RABGAP1L: variants seen among roughly 807,000 people sequenced by gnomAD.
RABGAP1L encodes the protein RAB GTPase activating protein 1 like.
RABGAP1L carries 63 observed loss-of-function variants against 137.7 expected under a neutral mutation model. That is an observed-to-expected ratio of 0.46 (90% CI 0.37 to 0.56). The LOEUF (loss-of-function observed/expected upper bound fraction) is 0.56. RABGAP1L is among the 20% of genes least tolerant of loss of function. RABGAP1L has a pLI of 0.00. For synonymous variants in RABGAP1L, 431 were observed against 433.7 expected, an observed-to-expected ratio of 0.99 and a Z score of 0.08; for missense variants, 1,095 against 1,244.0, an observed-to-expected ratio of 0.88 and a Z score of 1.80.
At chr1:174,777,344 G>A (rs112263586) in intron 18 of RABGAP1L, among the ~76,000 whole-genome samples, 7 of 152,122 alleles carry the variant, frequency 4.6e-5, no homozygotes, top group African/African-American at 1.7e-4. Context: ...GCATTTTGGG[G>A]CAGTTAATTC....
At chr1:174,454,040 AGATCAC>A in intron 13 of RABGAP1L, among the ~76,000 whole-genome samples, 1 of 152,284 alleles carries the variant, frequency 6.6e-6, no homozygotes, top group East Asian at 1.9e-4. Flanking sequence ...CGAGGCGGGC[AGATCAC>A]GAAGTCAGGA....
chr1:174,683,472 T>A, intron 14 of RABGAP1L, 50 bp from the exon 15 acceptor site: 1 of 1,461,180 alleles, frequency 6.8e-7, no homozygotes, highest in South Asian at 1.2e-5. Context: ...ACATTTAAGT[T>A]AAAATCTGTG....
At position 174,272,486 on chromosome 1, in the gene RABGAP1L, G is replaced by C. The variant is rs1205014543; in HGVS notation, c.1053+6G>C. 6.3e-7 allele frequency: 1 copy of C among 1,578,312 alleles called. No individual in the cohort carries two copies. Among genetic ancestry groups the C allele is most frequent in the African/African-American group, 1.4e-5 (1 of 72,738 alleles). ...ACATGCATTTACTGGATATGGTAAT[G>C]ATAATCTTAAGCACCTTAACCAAGT... is the stretch of plus-strand genomic sequence containing the variant. On this transcript the variant is annotated splice_donor_region_variant and intron_variant, in intron 8 of 25. Transcript: ENST00000681986.
chr1:174,977,184 T>A (rs1405828594), intron 22 of RABGAP1L, among the ~76,000 whole-genome samples: 1 of 152,192 alleles, frequency 6.6e-6, no homozygotes, highest in African/African-American at 2.4e-5. Context: ...AATGTGTCAT[T>A]TAGCACCTTC....
chr1:174,877,000 G>A (rs1032519787), intron 19 of RABGAP1L, among the ~76,000 whole-genome samples: 24 of 151,920 alleles, frequency 1.6e-4, no homozygotes, highest in East Asian at 5.8e-4. Flanking sequence ...AAAAATAAGC[G>A]TTAAGAACAC....
At chr1:174,701,271 A>G (rs1679626626) in intron 16 of RABGAP1L, 1 of 1,170,586 alleles carries the variant, frequency 8.5e-7, no homozygotes, top group Non-Finnish European at 1.1e-6. Flanking sequence ...AATTTTATAT[A>G]TTATACCTTT....
intron 19 of RABGAP1L, among the ~76,000 whole-genome samples, chr1:174,841,134 A>C (rs1372742712): frequency 6.6e-6 from 1 of 152,182 alleles, no homozygotes; most frequent in East Asian, 1.9e-4. Flanking sequence ...AAGAGAAAGA[A>C]AACCCAAATA....
intron 1 of RABGAP1L, among the ~76,000 whole-genome samples, chr1:174,182,511 GAAGAGGGCCAGCTGTAGGTTTTAGTCAA>G (rs1466160007): frequency 1.9e-4 from 29 of 152,234 alleles, no homozygotes. Flanking sequence ...GATCTCAGGG[GAAGAGGGCCAGCTGTAGGTTTTAGTCAA>G]AAGATGAAGT....
At chr1:174,891,977 G>T (rs1347827627) in intron 19 of RABGAP1L, among the ~76,000 whole-genome samples, 1 of 152,178 alleles carries the variant, frequency 6.6e-6, no homozygotes, top group Non-Finnish European at 1.5e-5. Flanking sequence ...AATTCCTGTT[G>T]TCTATAAAAC....
chr1:174,278,752 A>G lies in RABGAP1L; in HGVS notation c.1296A>G (p.Thr432=), dbSNP rs747225738. 2.5e-6 allele frequency: 4 copies of G among 1,580,254 alleles called. No homozygotes were observed. The African/African-American group carries it at 4.1e-5, about 16-fold the overall frequency. Residue 432 remains threonine, a synonymous_variant, in exon 10 of 26, where the codon ACA becomes ACG. Transcript: ENST00000681986. Reference sequence around the variant, plus strand: ...GGTATTTCAGCAGAAAGACTTTCACAGAGACTTTCTTCATGAGATTGAAAC... The same window carrying G: ...GGTATTTCAGCAGAAAGACTTTCACGGAGACTTTCTTCATGAGATTGAAAC... The part of the protein sequence containing the change: ...RFWYFSRKTF[T]ETFFMRLKQS...
At chr1:174,716,089 G>T (rs1680979486) in intron 17 of RABGAP1L, among the ~76,000 whole-genome samples, 1 of 152,134 alleles carries the variant, frequency 6.6e-6, no homozygotes, top group African/African-American at 2.4e-5. Context: ...ATTGTAAATG[G>T]TATGTGAATA....
intron 11 of RABGAP1L, among the ~76,000 whole-genome samples, chr1:174,344,270 T>G (rs944808659): frequency 2.0e-5 from 3 of 152,090 alleles, no homozygotes; most frequent in Middle Eastern, 3.2e-3. Context: ...ACAATAGGAG[T>G]TAGCTTTTAT....
intron 14 of RABGAP1L, among the ~76,000 whole-genome samples, chr1:174,665,421 C>T (rs548828619): frequency 1.3e-5 from 2 of 148,282 alleles, no homozygotes; most frequent in South Asian, 4.2e-4. Flanking sequence ...TCTTGTCTGC[C>T]TCGCCTCGCC....
chr1:174,871,697 T>C (rs1460809891), intron 19 of RABGAP1L, among the ~76,000 whole-genome samples: 1 of 152,238 alleles, frequency 6.6e-6, no homozygotes. Flanking sequence ...GAATATCATG[T>C]GAAATGATTT....
At position 174,241,509 on chromosome 1, in the gene RABGAP1L, A is replaced by T; in HGVS notation, c.569A>T (p.Glu190Val). The T allele has an allele frequency of 6.2e-7, 1 of 1,604,130 alleles. No homozygotes were observed. Among genetic ancestry groups the T allele is most frequent in the Non-Finnish European group, 8.5e-7 (1 of 1,175,394 alleles). The part of the protein sequence containing the change: ...VRIIDQSSNV[E>V]IASFPIYKVL... ...ATTATAGACCAATCCAGCAATGTGG[A>T]GATAGCATCTTTTCCAATCTATAAG... is the stretch of plus-strand genomic sequence containing the variant. Residue 190 changes from glutamate to valine, a missense_variant, in exon 5 of 26, where the codon GAG (glutamate) becomes GTG (valine). By Grantham distance (121) the Glu-to-Val change is moderately radical. Coordinates refer to ENST00000681986, the MANE Select transcript of RABGAP1L (RefSeq NM_001366446.1).
Position 174,272,440 on chromosome 1 carries a change from G to T in RABGAP1L, c.1013G>T (p.Gly338Val). ...TGTTTTGGAATGTTATTAAGCCCAG[G>T]TCGAAACGTGAAGAACAGTGACATG... Reference protein sequence around the residue: ...ERCFGMLLSPGRNVKNSDMHL... With the variant: ...ERCFGMLLSPVRNVKNSDMHL... The change falls in exon 8 of 26, where the codon GGT (glycine) becomes GTT (valine). Residue 338 changes from glycine (G) to valine (V), a missense_variant. This residue lies in a region of RABGAP1L where 112 missense variants were observed against 157.3 expected (regional missense o/e 0.71). Transcript: ENST00000681986. 1 of 1,601,900 alleles carries T rather than the reference G, an allele frequency of 6.2e-7. No individual in the cohort carries two copies. Among genetic ancestry groups the T allele is most frequent in the Non-Finnish European group, 8.5e-7 (1 of 1,175,428 alleles).
rs1168209390 is a variant in RABGAP1L, at chr1:174,702,152, A to T, written c.2065A>T (p.Asn689Tyr). Residue 689 changes from asparagine to tyrosine, a missense_variant, in exon 17 of 26, where the codon AAC (asparagine) becomes TAC (tyrosine). This residue lies in a region of RABGAP1L where 312 missense variants were observed against 435.6 expected (regional missense o/e 0.72). Coordinates refer to ENST00000681986, the MANE Select transcript of RABGAP1L (RefSeq NM_001366446.1). The part of the protein sequence containing the change: ...PDLHSHFSDL[N>Y]LEAHMYASQW... Reference sequence around the variant, plus strand: ...CCTGCATAGCCATTTTTCTGATCTGAACCTGGAAGCTCATATGTATGCATC... The same window carrying T: ...CCTGCATAGCCATTTTTCTGATCTGTACCTGGAAGCTCATATGTATGCATC... The T allele has an allele frequency of 1.2e-5, 20 of 1,612,128 alleles. No homozygotes were observed. Among genetic ancestry groups the T allele is most frequent in the African/African-American group, 2.7e-5 (2 of 74,832 alleles).
intron 13 of RABGAP1L, among the ~76,000 whole-genome samples, chr1:174,482,901 T>C (rs1438503228): frequency 6.6e-6 from 1 of 152,166 alleles, no homozygotes; most frequent in Admixed American, 6.5e-5. Context: ...TCAATAAGTA[T>C]TGAATGAATG....
At chr1:174,366,778 G>GAAA (rs71117562) in intron 11 of RABGAP1L, among the ~76,000 whole-genome samples, 77 of 94,828 alleles carry the variant, frequency 8.1e-4, no homozygotes, top group Non-Finnish European at 1.0e-3. Context: ...CCGTCTCCAG[G>GAAA]AAAAAAAAAA....
Sources: allele counts gnomAD v4.1 joint callset (sites outside exome capture counted in the v4.1 genomes callset), GRCh38; gene constraint gnomAD v4.1.1; regional missense constraint gnomAD v4.1.1; transcripts MANE v1.5; gene names NCBI Gene and HGNC (gene_info 2026-07-23, HGNC 2026-07-21).